The following CAMTA1 variants were observed in gnomAD, a reference collection of about 807,000 sequenced individuals.
The protein encoded by CAMTA1 is calmodulin binding transcription activator 1.
A neutral mutation model predicts 170.9 loss-of-function variants in CAMTA1; 27 were observed. The observed-to-expected ratio is 0.16, with a 90% CI of 0.12 to 0.22. The LOEUF (loss-of-function observed/expected upper bound fraction) is 0.22, where lower values mean the gene tolerates loss of function less well. Among genes scored for constraint, CAMTA1 ranks in the 10% least tolerant of loss-of-function variants. The pLI is 1.00. For missense variants in CAMTA1, 1,619 were observed against 2,217.2 expected (o/e 0.73, Z 5.42); for synonymous variants, 833 against 891.5 (o/e 0.93, Z 1.17).
intron 10 of CAMTA1, among the ~76,000 whole-genome samples, chr1:7,676,382 C>T (rs772881198): frequency 6.6e-5 from 10 of 152,224 alleles, no homozygotes; most frequent in Admixed American, 2.6e-4. Context: ...CAGTGACTCC[C>T]GAAGGCCTTC....
intron 5 of CAMTA1, among the ~76,000 whole-genome samples, chr1:7,414,567 T>G (rs2091022466): frequency 6.6e-6 from 1 of 152,246 alleles, no homozygotes; most frequent in Non-Finnish European, 1.5e-5. Context: ...TAGTATTCTC[T>G]GATGGTATTT....
chr1:6,976,431 G>C (rs529103607), intron 3 of CAMTA1, among the ~76,000 whole-genome samples: 1 of 152,206 alleles, frequency 6.6e-6, no homozygotes, highest in Non-Finnish European at 1.5e-5. Context: ...GCCTTTCAGA[G>C]TGTTGGCAGG....
rs941850311 is a variant in CAMTA1 at position 7,508,456 on chromosome 1, G to A, written c.510+40555G>A. On this transcript the variant is annotated intron_variant, in intron 6 of 22. Transcript: ENST00000303635. ...TGAAATTCCTTGCAGCACTAAAGAA[G>A]ACTAGCAAAGCAGGGGGCGGACTAA... Among the ~76,000 whole-genome samples the A allele has an allele frequency of 5.3e-5, 8 of 151,964 alleles. No homozygotes were observed. In the South Asian group the frequency reaches 1.2e-3, roughly 24 times the overall value.
At chr1:6,997,877 T>G (rs993898353) in intron 3 of CAMTA1, among the ~76,000 whole-genome samples, 8 of 151,978 alleles carry the variant, frequency 5.3e-5, no homozygotes, top group African/African-American at 1.4e-4. Context: ...CAGGCTGGTC[T>G]TGAACTCCTG....
At chr1:7,583,995 TG>T (rs941462111) in intron 6 of CAMTA1, among the ~76,000 whole-genome samples, 32 of 152,110 alleles carry the variant, frequency 2.1e-4, no homozygotes, top group Non-Finnish European at 5.9e-5. Flanking sequence ...GGATGGAGAA[TG>T]GGGCGTCCAT....
At position 7,744,774 on chromosome 1, in the gene CAMTA1, G is replaced by A; in HGVS notation, c.4183-61G>A. The A allele has an allele frequency of 2.7e-6, 4 of 1,468,478 alleles. No individual in the cohort carries two copies. The Admixed American group carries it at 7.7e-5, about 28-fold the overall frequency. The allele number at this position is 1,468,478 out of a possible 1,614,324, so 91.0% of individuals were successfully genotyped here. ...CTCTCCAAGGCGAGGCAGGGAGGTA[G>A]ACCTGGATAACTTGTAAGGTTCCTT... is the stretch of plus-strand genomic sequence containing the variant. On this transcript the variant is annotated intron_variant, in intron 16 of 22. Coordinates refer to ENST00000303635, the MANE Select transcript of CAMTA1 (RefSeq NM_015215.4).
chr1:7,231,044 T>C (rs1662697977), intron 4 of CAMTA1, among the ~76,000 whole-genome samples: 1 of 151,984 alleles, frequency 6.6e-6, no homozygotes, highest in Non-Finnish European at 1.5e-5. Context: ...GCCAACTGGG[T>C]CACATGGCAA....
chr1:7,099,275 T>C (rs2148221952), intron 4 of CAMTA1, among the ~76,000 whole-genome samples: 1 of 152,306 alleles, frequency 6.6e-6, no homozygotes, highest in Admixed American at 6.5e-5. Context: ...GCTCTCGAAC[T>C]CATGGCCTCA....
At chr1:7,174,829 C>A (rs1650435462) in intron 4 of CAMTA1, among the ~76,000 whole-genome samples, 1 of 152,100 alleles carries the variant, frequency 6.6e-6, no homozygotes, top group African/African-American at 2.4e-5. Context: ...GGCAGAGGTG[C>A]CCTGTCTGTC....
chr1:7,704,543 G>A (rs188850910), intron 11 of CAMTA1, among the ~76,000 whole-genome samples: 2,918 of 148,418 alleles, frequency 0.02, 46 homozygotes, highest in Non-Finnish European at 0.03. Flanking sequence ...GCGCGGCTCG[G>A]GCGCAGTTCC....
In CAMTA1 at chr1:6,971,110, G is replaced by A. The variant is rs569883241; in HGVS notation, c.235-120194G>A. Among the ~76,000 whole-genome samples, 2 of 152,164 alleles carry A rather than the reference G, an allele frequency of 1.3e-5. No homozygotes were observed. The highest frequency in any genetic ancestry group is 2.9e-5 in the Non-Finnish European group (2 of 68,030). ...GCAGCCAGCTCCATTGTGGTCCTAGGAGTGTCAGTGAGCACAAAGCAGACA... is the reference window on the plus strand; with the variant it reads ...GCAGCCAGCTCCATTGTGGTCCTAGAAGTGTCAGTGAGCACAAAGCAGACA... On this transcript the variant is annotated intron_variant, in intron 3 of 22. Coordinates refer to ENST00000303635, the MANE Select transcript of CAMTA1 (RefSeq NM_015215.4). This position sits in a 1 kb window ranked among gnomAD's most constrained non-coding sequence, Gnocchi z 4.6.
At chr1:6,788,097 T>A (rs969266751) in intron 1 of CAMTA1, among the ~76,000 whole-genome samples, 4 of 152,194 alleles carry the variant, frequency 2.6e-5, no homozygotes, top group African/African-American at 9.7e-5. Flanking sequence ...AGTTCTTTTC[T>A]CTTGGACAGG....
At chr1:7,311,881 G>C (rs1426564788) in intron 5 of CAMTA1, among the ~76,000 whole-genome samples, 1 of 152,162 alleles carries the variant, frequency 6.6e-6, no homozygotes, top group African/African-American at 2.4e-5. Context: ...TGGCCAGTCT[G>C]GGGTGTGGGT....
rs144538461 is a variant in CAMTA1, at chr1:7,646,421, GGTGA to G, written c.664+5872_664+5875del. On this transcript the variant is annotated intron_variant, in intron 7 of 22. Transcript: ENST00000303635. ...CCCTGGTGAGTTGGGTGGAGGCCCT[GGTGA>G]GTGTGACTGGAGGCCCTGTTGAGGC... 4.6e-3 allele frequency among the ~76,000 whole-genome samples: 680 copies of G among 148,456 alleles called. 10 individuals carry two copies. The highest frequency in any genetic ancestry group is 0.016 in the African/African-American group (656 of 39,772).
intron 3 of CAMTA1, among the ~76,000 whole-genome samples, chr1:7,002,965 A>AATTTC (rs1698455226): frequency 2.0e-5 from 3 of 151,906 alleles, no homozygotes; most frequent in African/African-American, 7.3e-5. Flanking sequence ...GGACTCCTTG[A>AATTTC]AGGAACATGG....
chr1:6,795,768 G>A (rs1043527458), intron 1 of CAMTA1, among the ~76,000 whole-genome samples: 3 of 151,992 alleles, frequency 2.0e-5, no homozygotes, highest in Admixed American at 6.5e-5. Context: ...GAACTATGAC[G>A]TCAGCATTTT....
At chr1:7,695,849 G>T (rs1041755166) in intron 11 of CAMTA1, among the ~76,000 whole-genome samples, 2 of 152,174 alleles carry the variant, frequency 1.3e-5, no homozygotes, top group African/African-American at 4.8e-5. Flanking sequence ...AACTAAATAT[G>T]TCAGCTCTGC....
At chr1:6,867,427 G>T (rs1409215302) in intron 3 of CAMTA1, among the ~76,000 whole-genome samples, 1 of 152,126 alleles carries the variant, frequency 6.6e-6, no homozygotes, top group African/African-American at 2.4e-5. Flanking sequence ...TCTCTGAACA[G>T]ACCATCTTGG....
intron 4 of CAMTA1, among the ~76,000 whole-genome samples, chr1:7,097,913 G>A (rs145503898): frequency 6.6e-6 from 1 of 152,320 alleles, no homozygotes; most frequent in Non-Finnish European, 1.5e-5. Context: ...GAAGATGGGT[G>A]GCAGTGATGA....
Sources: allele counts gnomAD v4.1 joint callset (sites outside exome capture counted in the v4.1 genomes callset), GRCh38; gene constraint gnomAD v4.1.1; non-coding constraint Gnocchi (gnomAD v3.1); transcripts MANE v1.5; gene names NCBI Gene and HGNC (gene_info 2026-07-23, HGNC 2026-07-21).